The following ZSWIM3 variants were observed in gnomAD, a reference collection of about 807,000 sequenced individuals.
ZSWIM3 encodes zinc finger SWIM-type containing 3.
Under a neutral mutation model 47.5 loss-of-function variants are expected in ZSWIM3, and 27 were observed. The ratio of observed to expected loss-of-function variants is 0.57; its 90% confidence interval spans 0.42 to 0.78. ZSWIM3 has a LOEUF of 0.78. Ranked by LOEUF, ZSWIM3 falls within the 30% of genes least tolerant of loss-of-function variation. The pLI is 0.00. For missense variants in ZSWIM3, 689 were observed against 861.3 expected, an observed-to-expected ratio of 0.80 and a Z score of 2.50; for synonymous variants, 333 against 333.9, an observed-to-expected ratio of 1.00 and a Z score of 0.03.
rs1245646785 is a variant in ZSWIM3, at chr20:45,857,706, A to C, written c.-120A>C. The C allele has an allele frequency of 7.9e-7, 1 of 1,260,416 alleles. No homozygotes were observed. Among genetic ancestry groups the C allele is most frequent in the Non-Finnish European group, 1.1e-6 (1 of 902,776 alleles). 78.1% of individuals were successfully genotyped at this position (1,260,416 alleles called of 1,614,324 possible). ...AGAATAGGCCACCCAGTTGGGGCGGACCCTTAAGGCATTCTGGGCCCACGC... is the reference window on the plus strand; with the variant it reads ...AGAATAGGCCACCCAGTTGGGGCGGCCCCTTAAGGCATTCTGGGCCCACGC... On this transcript the variant is annotated 5_prime_UTR_variant, in exon 1 of 2. Transcript: ENST00000255152.
intron 1 of ZSWIM3, among the ~76,000 whole-genome samples, chr20:45,861,217 A>G (rs778237454): frequency 1.6e-4 from 25 of 152,300 alleles, no homozygotes; most frequent in Admixed American, 3.3e-4. Flanking sequence ...GGCATTCTAG[A>G]CCAGCCTGGG....
chr20:45,877,311 T>C lies in ZSWIM3; in HGVS notation c.753T>C (p.Phe251=), dbSNP rs1381917256. Residue 251 remains phenylalanine (F), a synonymous_variant, in exon 2 of 2, where the codon TTT becomes TTC. Coordinates refer to ENST00000255152, the MANE Select transcript of ZSWIM3 (RefSeq NM_080752.4). ...NKERESRVVH[F]AVLKAETVTS... is the part of the protein sequence containing the mutation. Reference sequence around the variant, plus strand: ...AACGAGAAAGTCGAGTGGTGCACTTTGCTGTGCTCAAGGCGGAGACAGTCA... The same window carrying C: ...AACGAGAAAGTCGAGTGGTGCACTTCGCTGTGCTCAAGGCGGAGACAGTCA... 1 of 1,614,180 alleles carries C rather than the reference T, an allele frequency of 6.2e-7. No individual in the cohort carries two copies. Among genetic ancestry groups the C allele is most frequent in the South Asian group, 1.1e-5 (1 of 91,074 alleles).
intron 1 of ZSWIM3, among the ~76,000 whole-genome samples, chr20:45,862,420 G>A (rs1985732637): frequency 6.6e-6 from 1 of 151,976 alleles, no homozygotes; most frequent in Non-Finnish European, 1.5e-5. Context: ...TGGGATTACA[G>A]ATGTGAGCCA....
chr20:45,878,338 C>A lies in ZSWIM3; in HGVS notation c.1780C>A (p.Pro594Thr). ...WQKKYQYLLG[P>T]NGELQDRGMV... ...GAAGAAGTACCAGTACCTCCTTGGG[C>A]CCAATGGGGAGCTCCAGGATCGTGG... The change falls in exon 2 of 2, where the codon CCC becomes ACC. Residue 594 changes from proline (P) to threonine (T), a missense_variant. Physicochemically the swap from Pro to Thr is conservative, Grantham distance 38. Transcript: ENST00000255152. 6.2e-7 allele frequency: 1 copy of A among 1,614,226 alleles called. No homozygotes were observed. Among genetic ancestry groups the A allele is most frequent in the Non-Finnish European group, 8.5e-7 (1 of 1,180,044 alleles).
chr20:45,861,492 C>T (rs1985707377), intron 1 of ZSWIM3, among the ~76,000 whole-genome samples: 1 of 151,300 alleles, frequency 6.6e-6, no homozygotes, highest in South Asian at 2.1e-4. Context: ...ATGAGGAGAC[C>T]TGCTTAGCTA....
chr20:45,866,221 G>A lies in ZSWIM3; in HGVS notation c.155+8241G>A, dbSNP rs113927526. On this transcript the variant is annotated intron_variant, in intron 1 of 1. Coordinates refer to ENST00000255152, the MANE Select transcript of ZSWIM3 (RefSeq NM_080752.4). Reference sequence around the variant, plus strand: ...GGGGGCTGAGGCAGGAGGATCATTTGAACCCGGCAGAGGTTGCAGTGAGCT... The same window carrying A: ...GGGGGCTGAGGCAGGAGGATCATTTAAACCCGGCAGAGGTTGCAGTGAGCT... 7.9e-3 allele frequency among the ~76,000 whole-genome samples: 1,201 copies of A among 151,920 alleles called. 10 individuals are homozygous for A. The highest frequency in any genetic ancestry group is 0.013 in the Non-Finnish European group (885 of 67,966).
At position 45,877,315 on chromosome 20, in the gene ZSWIM3, G is replaced by C. The variant is rs2145793783; in HGVS notation, c.757G>C (p.Val253Leu). The C allele has an allele frequency of 1.9e-6, 3 of 1,614,194 alleles. No homozygotes were observed. The highest frequency in any genetic ancestry group is 4.5e-5 in the East Asian group (2 of 44,886). The change falls in exon 2 of 2, where the codon GTG becomes CTG. Residue 253 changes from valine to leucine, a missense_variant. Coordinates refer to ENST00000255152, the MANE Select transcript of ZSWIM3 (RefSeq NM_080752.4). ...ERESRVVHFA[V>L]LKAETVTSVA... ...AGAAAGTCGAGTGGTGCACTTTGCT[G>C]TGCTCAAGGCGGAGACAGTCACCTC...
At chr20:45,861,347 C>T (rs1246160236) in intron 1 of ZSWIM3, among the ~76,000 whole-genome samples, 1 of 151,108 alleles carries the variant, frequency 6.6e-6, no homozygotes. Flanking sequence ...TCCCAGGAGT[C>T]AGAGGTTGCA....
At chr20:45,858,285 G>A (rs1985597592) in intron 1 of ZSWIM3, among the ~76,000 whole-genome samples, 1 of 152,188 alleles carries the variant, frequency 6.6e-6, no homozygotes, top group African/African-American at 2.4e-5. Flanking sequence ...TTTCATAAAC[G>A]GATAAAAACA....
Position 45,857,659 on chromosome 20 carries a change from C to T in ZSWIM3, c.-167C>T. 1 of 816,262 alleles carries T rather than the reference C, an allele frequency of 1.2e-6. No homozygotes were observed. Among genetic ancestry groups the T allele is most frequent in the East Asian group, 2.5e-5 (1 of 40,672 alleles). 50.6% of individuals were successfully genotyped at this position (816,262 alleles called of 1,614,324 possible). ...CCTTCCTCTTGTAACCCGGTCAGGCCTAGGGTTCCTCCCTGAGTTCCAGAA... is the reference window on the plus strand; with the variant it reads ...CCTTCCTCTTGTAACCCGGTCAGGCTTAGGGTTCCTCCCTGAGTTCCAGAA... On this transcript the variant is annotated 5_prime_UTR_variant, in exon 1 of 2. Transcript: ENST00000255152.
intron 1 of ZSWIM3, among the ~76,000 whole-genome samples, chr20:45,858,569 T>C (rs562438352): frequency 5.6e-4 from 85 of 152,320 alleles, no homozygotes. Flanking sequence ...TTGTACAGAC[T>C]GGGTCTTGTT....
At chr20:45,875,717 A>G (rs1479093482) in intron 1 of ZSWIM3, among the ~76,000 whole-genome samples, 3 of 139,632 alleles carry the variant, frequency 2.1e-5, no homozygotes, top group East Asian at 4.3e-4. Context: ...TGGCCAGGCT[A>G]GTCTCAAACT....
intron 1 of ZSWIM3, among the ~76,000 whole-genome samples, chr20:45,859,517 CCT>C (rs1985649969): frequency 6.6e-6 from 1 of 151,730 alleles, no homozygotes; most frequent in Non-Finnish European, 1.5e-5. Context: ...TGATGGTTTC[CCT>C]GGGCTGTGAA....
rs1985833021 is a variant in ZSWIM3, at chr20:45,866,003, A to G, written c.155+8023A>G. Among the ~76,000 whole-genome samples, 6 of 151,142 alleles carry G rather than the reference A, an allele frequency of 4.0e-5. No individual in the cohort carries two copies. The South Asian group carries it at 1.1e-3, about 27-fold the overall frequency. ...GTGAGACTCTGTCTCAAAAAAAAAAAAAAAAGAAAAAGAAAAAAAAAATTC... is the reference window on the plus strand; with the variant it reads ...GTGAGACTCTGTCTCAAAAAAAAAAGAAAAAGAAAAAGAAAAAAAAAATTC... On this transcript the variant is annotated intron_variant, in intron 1 of 1. Transcript: ENST00000255152.
intron 1 of ZSWIM3, among the ~76,000 whole-genome samples, chr20:45,871,145 A>G (rs954284868): frequency 6.6e-6 from 1 of 152,208 alleles, no homozygotes; most frequent in Non-Finnish European, 1.5e-5. Flanking sequence ...GAATTCATTG[A>G]GCACTATAGT....
At chr20:45,870,316 G>A (rs1214997490) in intron 1 of ZSWIM3, among the ~76,000 whole-genome samples, 1 of 150,334 alleles carries the variant, frequency 6.7e-6, no homozygotes, top group East Asian at 2.0e-4. Context: ...TTCCAACCTG[G>A]GTGACAGAGG....
At chr20:45,859,792 C>CAAAA (rs765560893) in intron 1 of ZSWIM3, among the ~76,000 whole-genome samples, 34 of 52,096 alleles carry the variant, frequency 6.5e-4, no homozygotes, top group Middle Eastern at 0.01. Flanking sequence ...GAGAGGAATA[C>CAAAA]AAAAAAAAAA....
rs1253501357 is a variant in ZSWIM3 at position 45,878,619 on chromosome 20, C to T, written c.2061C>T (p.Phe687=). The change falls in exon 2 of 2, where the codon TTC becomes TTT. Residue 687 remains phenylalanine (F), a synonymous_variant. Transcript: ENST00000255152. ...LWGKQEEGEG[F]PPATAVMHY ...GAAAGCAAGAAGAAGGGGAGGGATT[C>T]CCTCCTGCTACAGCTGTGATGCATT... The T allele has an allele frequency of 6.2e-7, 1 of 1,611,802 alleles. No homozygotes were observed. Among genetic ancestry groups the T allele is most frequent in the South Asian group, 1.1e-5 (1 of 91,008 alleles).
chr20:45,875,324 G>A (rs887393483), intron 1 of ZSWIM3, among the ~76,000 whole-genome samples: 1 of 151,676 alleles, frequency 6.6e-6, no homozygotes, highest in African/African-American at 2.4e-5. Flanking sequence ...TTACAGGCGT[G>A]AGCCACTGTA....
Sources: allele counts gnomAD v4.1 joint callset (sites outside exome capture counted in the v4.1 genomes callset), GRCh38; gene constraint gnomAD v4.1.1; transcripts MANE v1.5; gene names NCBI Gene and HGNC (gene_info 2026-07-23, HGNC 2026-07-21).